Variants in PHKB observed in about 807,000 individuals in gnomAD.
PHKB encodes phosphorylase b kinase regulatory subunit beta.
PHKB carries 122 observed loss-of-function variants against 152.1 expected under a neutral mutation model. That is an observed-to-expected ratio of 0.80 (90% CI 0.69 to 0.93). The LOEUF is 0.93. Among genes scored for constraint, PHKB ranks in the 40% least tolerant of loss-of-function variants. PHKB has a pLI of 0.00. For missense variants in PHKB, 1,304 were observed against 1,328.4 expected, an observed-to-expected ratio of 0.98 and a Z score of 0.29; for synonymous variants, 436 against 464.9, an observed-to-expected ratio of 0.94 and a Z score of 0.80.
chr16:47,546,611 T>C (rs1313711967), intron 6 of PHKB, among the ~76,000 whole-genome samples: 2 of 152,222 alleles, frequency 1.3e-5, no homozygotes, highest in African/African-American at 2.4e-5. Flanking sequence ...GGGCAAACAC[T>C]GTGCTGGGAG....
intron 14 of PHKB, among the ~76,000 whole-genome samples, chr16:47,618,255 T>G (rs1308527315): frequency 6.6e-6 from 1 of 152,238 alleles, no homozygotes; most frequent in Non-Finnish European, 1.5e-5. Flanking sequence ...TCTCATGACC[T>G]TCTTTCTTTT....
In PHKB at chr16:47,639,430, G is replaced by A. The variant is rs778721177; in HGVS notation, c.1459-1605G>A. On this transcript the variant is annotated intron_variant, in intron 14 of 30. Coordinates refer to ENST00000323584, the MANE Select transcript of PHKB (RefSeq NM_000293.3). ...AATTCTTTCTCTCAATGGTGAATGG[G>A]GCAAAAGGTCCCACTTGGGCTGGAG... 1.3e-3 allele frequency among the ~76,000 whole-genome samples: 202 copies of A among 152,306 alleles called. 1 individual carries two copies. The highest frequency in any genetic ancestry group is 5.9e-4 in the Non-Finnish European group (40 of 68,032).
intron 26 of PHKB, among the ~76,000 whole-genome samples, chr16:47,681,349 T>A (rs931781921): frequency 6.7e-6 from 1 of 148,660 alleles, no homozygotes; most frequent in African/African-American, 2.4e-5. Context: ...CTCGTTGATC[T>A]GTCAAATGTT....
intron 14 of PHKB, among the ~76,000 whole-genome samples, chr16:47,612,752 G>T (rs1244831317): frequency 1.3e-5 from 2 of 152,172 alleles, no homozygotes. Flanking sequence ...GAGTGGATAT[G>T]TCCCCATGTG....
In PHKB at chr16:47,660,875, C is replaced by A; in HGVS notation, c.2196+56C>A. 3 of 1,545,152 alleles carry A rather than the reference C, an allele frequency of 1.9e-6. No individual in the cohort carries two copies. In the South Asian group the frequency reaches 3.3e-5, roughly 17 times the overall value. On this transcript the variant is annotated intron_variant, in intron 22 of 30. Transcript: ENST00000323584. ...AAGTGAGGTTGCTGGAGCAGAAGCT[C>A]CCAGAATCAGACCATATGTCTTTTT... is the stretch of plus-strand genomic sequence containing the variant.
intron 7 of PHKB, among the ~76,000 whole-genome samples, chr16:47,553,153 A>AT (rs2151676122): frequency 6.6e-6 from 1 of 152,182 alleles, no homozygotes; most frequent in African/African-American, 2.4e-5. Flanking sequence ...CATTCTCCCC[A>AT]TTACTTTCAG....
chr16:47,530,421 G>T (rs1304344340), intron 6 of PHKB, among the ~76,000 whole-genome samples: 1 of 152,020 alleles, frequency 6.6e-6, no homozygotes, highest in Non-Finnish European at 1.5e-5. Context: ...CAAAGTGCTG[G>T]GATTACAGGG....
chr16:47,529,753 T>A (rs971063683), intron 6 of PHKB: 7 of 152,128 alleles, frequency 4.6e-5, no homozygotes, highest in African/African-American at 1.4e-4. Context: ...CTGTGGAGCC[T>A]TATGAAGTTA....
chr16:47,566,404 T>G, intron 7 of PHKB: 1 of 1,598,936 alleles, frequency 6.3e-7, no homozygotes. Context: ...ACTCAAATTC[T>G]CCTGTTACCT....
chr16:47,503,807 G>A (rs760933196), intron 4 of PHKB, among the ~76,000 whole-genome samples: 5 of 151,876 alleles, frequency 3.3e-5, no homozygotes, highest in Admixed American at 6.6e-5. Flanking sequence ...CCAGCCTGGC[G>A]ACAGAGCAAG....
chr16:47,587,958 C>T (rs1462866015), intron 9 of PHKB, among the ~76,000 whole-genome samples, 195 bp downstream of exon 9: 1 of 152,154 alleles, frequency 6.6e-6, no homozygotes, highest in African/African-American at 2.4e-5. Flanking sequence ...GTGGACACGG[C>T]TGCTTTGGCC....
chr16:47,524,757 A>G (rs1597054657), intron 6 of PHKB, among the ~76,000 whole-genome samples: 1 of 152,198 alleles, frequency 6.6e-6, no homozygotes, highest in Non-Finnish European at 1.5e-5. Context: ...GTTAGTATTC[A>G]TTTGTGTTTG....
intron 4 of PHKB, among the ~76,000 whole-genome samples, chr16:47,509,013 G>A (rs1313694013): frequency 6.6e-6 from 1 of 152,060 alleles, no homozygotes; most frequent in Admixed American, 6.5e-5. Context: ...TGTCCTGCTG[G>A]GTTCTTGCAT....
At chr16:47,524,729 A>G (rs1002146854) in intron 6 of PHKB, among the ~76,000 whole-genome samples, 7 of 152,194 alleles carry the variant, frequency 4.6e-5, no homozygotes, top group Admixed American at 1.3e-4. Flanking sequence ...GCTACTAATG[A>G]TAAGATTAGG....
At chr16:47,623,062 T>C (rs891011559) in intron 14 of PHKB, among the ~76,000 whole-genome samples, 3 of 152,204 alleles carry the variant, frequency 2.0e-5, no homozygotes, top group Admixed American at 6.5e-5. Context: ...CTTCCACTTA[T>C]TAAATGTGTG....
intron 27 of PHKB, among the ~76,000 whole-genome samples, chr16:47,689,388 T>C (rs995712084): frequency 6.6e-6 from 1 of 152,138 alleles, no homozygotes; most frequent in Admixed American, 6.5e-5. Flanking sequence ...AATTTTATGC[T>C]TTTTTTCCAG....
intron 1 of PHKB, among the ~76,000 whole-genome samples, chr16:47,490,385 G>A (rs932831957): frequency 2.0e-5 from 3 of 152,156 alleles, no homozygotes; most frequent in African/African-American, 7.2e-5. Context: ...GTTTATAATA[G>A]CTTAACCTTA....
intron 26 of PHKB, among the ~76,000 whole-genome samples, chr16:47,673,632 T>C (rs531340053): frequency 1.3e-5 from 2 of 152,266 alleles, no homozygotes; most frequent in Non-Finnish European, 2.9e-5. Context: ...TAGCAGTGTT[T>C]CCAGTAACGA....
intron 26 of PHKB, among the ~76,000 whole-genome samples, chr16:47,680,405 A>T (rs963113562): frequency 6.6e-6 from 1 of 151,908 alleles, no homozygotes; most frequent in African/African-American, 2.4e-5. Context: ...GTCCTGGACT[A>T]TTTTTGGTTG....
Sources: allele counts gnomAD v4.1 joint callset (sites outside exome capture counted in the v4.1 genomes callset), GRCh38; gene constraint gnomAD v4.1.1; transcripts MANE v1.5; gene names NCBI Gene and HGNC (gene_info 2026-07-23, HGNC 2026-07-21).